SOX30: variants seen among roughly 807,000 people sequenced by gnomAD.
The protein encoded by SOX30 is transcription factor SOX-30.
A neutral mutation model predicts 58.6 loss-of-function variants in SOX30; 17 were observed. The ratio of observed to expected loss-of-function variants is 0.29; its 90% CI spans 0.20 to 0.44. The LOEUF is 0.44. Among genes scored for constraint, SOX30 ranks in the 20% least tolerant of loss-of-function variants. The pLI is 1.00. For missense variants in SOX30, 951 were observed against 965.8 expected (o/e 0.98, Z 0.20); for synonymous variants, 421 against 400.2 (o/e 1.05, Z -0.62).
At chr5:157,663,382 G>T (rs1420422415) in intron 2 of SOX30, among the ~76,000 whole-genome samples, 1 of 152,082 alleles carries the variant, frequency 6.6e-6, no homozygotes, top group African/African-American at 2.4e-5. Context: ...TGCAGAAAAG[G>T]CCTCTGACAA....
upstream of SOX30, among the ~76,000 whole-genome samples, chr5:157,656,144 T>C (rs575764860): frequency 6.6e-6 from 1 of 152,354 alleles, no homozygotes; most frequent in East Asian, 1.9e-4. Context: ...CTTTATCTTT[T>C]GTCTGTGTAT....
At position 157,652,112 on chromosome 5, in the gene SOX30, C is replaced by T. The variant is rs1759370222; in HGVS notation, c.-34G>A. 1 of 1,387,534 alleles carries T rather than the reference C, an allele frequency of 7.2e-7. No individual in the cohort carries two copies. Among genetic ancestry groups the T allele is most frequent in the Non-Finnish European group, 9.3e-7 (1 of 1,078,766 alleles). The allele number at this position is 1,387,534 out of a possible 1,614,324, so 86.0% of individuals were successfully genotyped here. ...GGGACGCCCCGGCCAGGATTGTGAG[C>T]TCAGCCGTTTGTTGGCGACCTTCCC... On this transcript the variant is annotated 5_prime_UTR_variant, in exon 1 of 5. Coordinates refer to ENST00000265007, the MANE Select transcript of SOX30 (RefSeq NM_178424.2).
Position 157,638,337 on chromosome 5 carries a change from G to C in SOX30, c.1773C>G (p.Val591=), listed in dbSNP as rs1471659341. 1 of 1,613,100 alleles carries C rather than the reference G, an allele frequency of 6.2e-7. No homozygotes were observed. Among genetic ancestry groups the C allele is most frequent in the South Asian group, 1.1e-5 (1 of 91,008 alleles). The change falls in exon 4 of 5, where the codon GTC becomes GTG. Residue 591 remains valine, a synonymous_variant. Coordinates refer to ENST00000265007, the MANE Select transcript of SOX30 (RefSeq NM_178424.2). ...PQASPIPHPH[V]YQPPPLGHPA... ...GATGGCCAAGGGGAGGGGGCTGGTA[G>C]ACATGTGGGTGTGGAATGGGAGAAG...
rs146320122 is a variant in SOX30, at chr5:157,648,294, T to C, written c.1207+363A>G. 2.8e-3 allele frequency among the ~76,000 whole-genome samples: 424 copies of C among 152,298 alleles called. 1 individual carries two copies. The highest frequency in any genetic ancestry group is 9.6e-3 in the African/African-American group (400 of 41,558). ...CATTCTCATTAAGCGTAGACTGCAT[T>C]TTTTTTCTGTTGCTATCATTTTAAC... On this transcript the variant is annotated intron_variant, in intron 2 of 4. Coordinates refer to ENST00000265007, the MANE Select transcript of SOX30 (RefSeq NM_178424.2).
rs1197396401 is a variant in SOX30, at chr5:157,626,160, T to C, written c.*180A>G. The C allele has an allele frequency of 7.5e-6, 4 of 535,406 alleles. No individual in the cohort carries two copies. Among genetic ancestry groups the C allele is most frequent in the Non-Finnish European group, 1.3e-5 (4 of 312,380 alleles). The allele number at this position is 535,406 out of a possible 1,614,324, so 33.2% of individuals were successfully genotyped here. On this transcript the variant is annotated 3_prime_UTR_variant, in exon 5 of 5. Transcript: ENST00000265007. Reference sequence around the variant, plus strand: ...ACTTAAATATTCCTACAATGAAACATCCAGACTCTAGTTTCACTAATCAAA... The same window carrying C: ...ACTTAAATATTCCTACAATGAAACACCCAGACTCTAGTTTCACTAATCAAA...
intron 2 of SOX30, among the ~76,000 whole-genome samples, chr5:157,667,573 A>G (rs1261503136): frequency 6.6e-6 from 1 of 152,064 alleles, no homozygotes; most frequent in Non-Finnish European, 1.5e-5. Flanking sequence ...GTCTCTTCTA[A>G]AAATACAAAA....
At chr5:157,650,319 A>C (rs1253197426) in intron 1 of SOX30, among the ~76,000 whole-genome samples, 1 of 152,140 alleles carries the variant, frequency 6.6e-6, no homozygotes, top group Non-Finnish European at 1.5e-5. Flanking sequence ...GAATCAACAC[A>C]GAAAATTAAA....
chr5:157,652,849 C>T (rs1298291788), upstream of SOX30, among the ~76,000 whole-genome samples: 2 of 152,204 alleles, frequency 1.3e-5, no homozygotes, highest in Non-Finnish European at 1.5e-5. Context: ...CTGCTTGTCA[C>T]CCTTGCCCCA....
At chr5:157,639,489 G>C (rs1759011642) in intron 3 of SOX30, among the ~76,000 whole-genome samples, 1 of 152,086 alleles carries the variant, frequency 6.6e-6, no homozygotes, top group Non-Finnish European at 1.5e-5. Flanking sequence ...AGTGAGAACA[G>C]GACTTGCCAC....
At chr5:157,653,995 C>T (rs1404966519), upstream of SOX30, among the ~76,000 whole-genome samples, 4 of 151,958 alleles carry the variant, frequency 2.6e-5, no homozygotes, top group South Asian at 2.1e-4. Flanking sequence ...GGTGGAACCT[C>T]GTCTCTACTA....
At position 157,651,170 on chromosome 5, in the gene SOX30, C is replaced by G; in HGVS notation, c.909G>C (p.Glu303Asp). The change falls in exon 1 of 5, where the codon GAG (glutamate) becomes GAC (aspartate). Residue 303 changes from glutamate (E) to aspartate (D), a missense_variant. Glu to Asp is a conservative substitution (Grantham distance 45). Coordinates refer to ENST00000265007, the MANE Select transcript of SOX30 (RefSeq NM_178424.2). Reference protein sequence around the residue: ...PVPTKMQSLLEPSVKIETKDV... With the variant: ...PVPTKMQSLLDPSVKIETKDV... ...CTTTGGTTTCAATTTTTACAGAAGG[C>G]TCCAGTAGGGACTGCATTTTAGTAG... is the stretch of plus-strand genomic sequence containing the variant. 2 of 1,601,510 alleles carry G rather than the reference C, an allele frequency of 1.2e-6. No homozygotes were observed. The highest frequency in any genetic ancestry group is 1.7e-6 in the Non-Finnish European group (2 of 1,173,860).
chr5:157,626,743 A>G (rs749640371), intron 4 of SOX30, 22 bp from the exon 5 acceptor site: 2 of 1,569,722 alleles, frequency 1.3e-6, no homozygotes, highest in South Asian at 2.4e-5. Flanking sequence ...AAACACAAAC[A>G]AGGAATTAGA....
chr5:157,634,393 T>G (rs1758877310), intron 4 of SOX30, among the ~76,000 whole-genome samples: 1 of 152,056 alleles, frequency 6.6e-6, no homozygotes, highest in South Asian at 2.1e-4. Context: ...AAAAAAATTT[T>G]GGGGGTAGAG....
chr5:157,630,117 T>C (rs867428381), intron 4 of SOX30, among the ~76,000 whole-genome samples: 2 of 152,340 alleles, frequency 1.3e-5, no homozygotes, highest in Middle Eastern at 3.4e-3. Flanking sequence ...CTGCAATTTT[T>C]AGCTTGAGGA....
intron 4 of SOX30, among the ~76,000 whole-genome samples, chr5:157,627,203 A>C (rs954011044): frequency 1.3e-5 from 2 of 152,244 alleles, no homozygotes; most frequent in Non-Finnish European, 1.5e-5. Flanking sequence ...CTCTACTAAA[A>C]ATACAAAAAA....
chr5:157,656,095 C>G (rs1759468981), upstream of SOX30, among the ~76,000 whole-genome samples: 1 of 152,068 alleles, frequency 6.6e-6, no homozygotes, highest in African/African-American at 2.4e-5. Context: ...CAGTGGTGGC[C>G]CGGGTTCAGG....
chr5:157,644,769 C>T (rs1455920876), intron 3 of SOX30, among the ~76,000 whole-genome samples: 1 of 152,020 alleles, frequency 6.6e-6, no homozygotes, highest in Non-Finnish European at 1.5e-5. Flanking sequence ...TCACTTGAGG[C>T]CAGGAGTTCG....
At position 157,651,475 on chromosome 5, in the gene SOX30, T is replaced by G; in HGVS notation, c.604A>C (p.Lys202Gln). Residue 202 changes from lysine (K) to glutamine (Q), a missense_variant, in exon 1 of 5, where the codon AAA becomes CAA. By Grantham distance (53) the Lys-to-Gln change is moderately conservative. Coordinates refer to ENST00000265007, the MANE Select transcript of SOX30 (RefSeq NM_178424.2). ...MRDSMQGGAG[K>Q]SPAAIREGVI... ...CCTTCTCGGATGGCTGCCGGGCTTT[T>G]GCCTGCCCCGCCTTGCATCGAGTCT... 6.2e-7 allele frequency: 1 copy of G among 1,613,422 alleles called. No individual in the cohort carries two copies. The highest frequency in any genetic ancestry group is 8.5e-7 in the Non-Finnish European group (1 of 1,180,014).
intron 4 of SOX30, among the ~76,000 whole-genome samples, chr5:157,631,021 T>TTA (rs565609009): frequency 1.8e-4 from 20 of 114,050 alleles, no homozygotes; most frequent in Non-Finnish European, 1.9e-4. Flanking sequence ...ACTATATATT[T>TTA]TATATATATA....
Sources: gnomAD v4.1 joint callset for allele counts (sites outside exome capture counted in the v4.1 genomes callset) on GRCh38, gnomAD v4.1.1 for gene constraint, MANE v1.5 for transcripts, NCBI Gene and HGNC (gene_info 2026-07-23, HGNC 2026-07-21) for gene names.